The following LYSMD2 variants were observed in gnomAD, a reference collection of about 807,000 sequenced individuals.
The protein encoded by LYSMD2 is lysM and putative peptidoglycan-binding domain-containing protein 2.
Under a neutral mutation model 17.7 loss-of-function variants are expected in LYSMD2, and 6 were observed. That is an observed-to-expected ratio of 0.34 (90% CI 0.19 to 0.67). The LOEUF (loss-of-function observed/expected upper bound fraction) is 0.67. LYSMD2 is among the 30% of genes least tolerant of loss of function. The probability of loss-of-function intolerance (pLI) is 0.69; values close to 1 mark genes in which losing one functional copy is unlikely to be tolerated. For synonymous variants in LYSMD2, 102 were observed against 129.8 expected, an observed-to-expected ratio of 0.79 and a Z score of 1.45; for missense variants, 237 against 286.7, an observed-to-expected ratio of 0.83 and a Z score of 1.25.
intron 1 of LYSMD2, among the ~76,000 whole-genome samples, chr15:51,750,022 T>C (rs1380492151): frequency 6.6e-6 from 1 of 152,236 alleles, no homozygotes; most frequent in Non-Finnish European, 1.5e-5. Context: ...CCCAGAGTTT[T>C]AGAGGATTAA....
chr15:51,732,242 C>T (rs1293885702), intron 1 of LYSMD2, among the ~76,000 whole-genome samples: 12 of 152,140 alleles, frequency 7.9e-5, no homozygotes, highest in African/African-American at 2.4e-4. Flanking sequence ...TTCCAGGGTC[C>T]GCTCAGCTCC....
intron 1 of LYSMD2, among the ~76,000 whole-genome samples, chr15:51,736,483 C>T (rs754113803): frequency 3.3e-5 from 5 of 152,140 alleles, no homozygotes; most frequent in Admixed American, 6.5e-5. Flanking sequence ...CTCCTTCATT[C>T]GGTAAAGGGC....
upstream of LYSMD2, among the ~76,000 whole-genome samples, chr15:51,739,956 CTTTG>C (rs546254629): frequency 1.3e-5 from 2 of 151,548 alleles, no homozygotes; most frequent in African/African-American, 4.8e-5. Flanking sequence ...TTGGGGTTTT[CTTTG>C]TTTGTTTGTT....
At chr15:51,733,720 C>T (rs747190785) in intron 1 of LYSMD2, among the ~76,000 whole-genome samples, 1 of 152,164 alleles carries the variant, frequency 6.6e-6, no homozygotes, top group Non-Finnish European at 1.5e-5. Flanking sequence ...GAGCATTAAA[C>T]CAAGTGTGAG....
At chr15:51,726,121 G>C (rs1468442348) in intron 1 of LYSMD2, among the ~76,000 whole-genome samples, 1 of 152,168 alleles carries the variant, frequency 6.6e-6, no homozygotes, top group Non-Finnish European at 1.5e-5. Flanking sequence ...TACATGTAAA[G>C]CTTTCTTTTT....
chr15:51,728,285 GGC>G (rs2055553238), intron 1 of LYSMD2, among the ~76,000 whole-genome samples: 2 of 152,028 alleles, frequency 1.3e-5, no homozygotes, highest in South Asian at 2.1e-4. Context: ...CAGGCGTGGT[GGC>G]GCATGTCTGT....
chr15:51,740,680 T>C (rs917330232), upstream of LYSMD2, among the ~76,000 whole-genome samples: 1 of 152,072 alleles, frequency 6.6e-6, no homozygotes, highest in Admixed American at 6.6e-5. Flanking sequence ...CAAACATCAA[T>C]TGCATCACTC....
chr15:51,742,889 G>A (rs2055650093), intron 1 of LYSMD2, among the ~76,000 whole-genome samples: 1 of 152,180 alleles, frequency 6.6e-6, no homozygotes, highest in African/African-American at 2.4e-5. Flanking sequence ...TTGAGACCAG[G>A]AGTTCGAGGC....
Position 51,737,594 on chromosome 15 carries a change from A to T in LYSMD2, c.29T>A (p.Leu10Gln). 1.6e-6 allele frequency: 2 copies of T among 1,215,338 alleles called. No individual in the cohort carries two copies. The highest frequency in any genetic ancestry group is 8.1e-5 in the South Asian group (2 of 24,728). 75.3% of individuals were successfully genotyped at this position (1,215,338 alleles called of 1,614,324 possible). ...CGGCGCGCGGGGGCCGCCTTCCCGC[A>T]GGGACAGTGCGGGCGAGGAATCCGC... Reference protein sequence around the residue: MADSSPALSLREGGPRAPRP... With the variant: MADSSPALSQREGGPRAPRP... Residue 10 changes from leucine to glutamine, a missense_variant, in exon 1 of 3, where the codon CTG becomes CAG. Transcript: ENST00000267838. This position sits in a 1 kb window ranked among gnomAD's most constrained non-coding sequence, Gnocchi z 4.2.
At chr15:51,751,118 G>T (rs530686667) in intron 1 of LYSMD2, among the ~76,000 whole-genome samples, 1 of 152,200 alleles carries the variant, frequency 6.6e-6, no homozygotes, top group African/African-American at 2.4e-5. Flanking sequence ...CCGCCACTGC[G>T]CTTGGGCTCT....
chr15:51,737,644 G>C lies in LYSMD2; in HGVS notation c.-22C>G. On this transcript the variant is annotated 5_prime_UTR_variant, in exon 1 of 3. Coordinates refer to ENST00000267838, the MANE Select transcript of LYSMD2 (RefSeq NM_153374.3). This position sits in a 1 kb window ranked among gnomAD's most constrained non-coding sequence, Gnocchi z 4.2. ...CCATGGGTCCTGCCGAGGCCGCCGGGTCGGGGAGCTTGCCAAGGGGGCGGC... is the reference window on the plus strand; with the variant it reads ...CCATGGGTCCTGCCGAGGCCGCCGGCTCGGGGAGCTTGCCAAGGGGGCGGC... The C allele has an allele frequency of 8.3e-7, 1 of 1,204,276 alleles. No homozygotes were observed. 74.6% of individuals were successfully genotyped at this position (1,204,276 alleles called of 1,614,324 possible). A position where few individuals can be genotyped will look rare whatever the true frequency, so the allele number is the denominator to read the frequency against.
At chr15:51,741,823 G>C (rs1180666225), upstream of LYSMD2, among the ~76,000 whole-genome samples, 1 of 152,020 alleles carries the variant, frequency 6.6e-6, no homozygotes, top group Non-Finnish European at 1.5e-5. Context: ...GGGAGGCTGA[G>C]GCAGAAGAAT....
upstream of LYSMD2, among the ~76,000 whole-genome samples, chr15:51,739,668 TG>T (rs1240630996): frequency 2.0e-5 from 3 of 152,158 alleles, no homozygotes; most frequent in Non-Finnish European, 4.4e-5. Context: ...CCAGGCGCAG[TG>T]GCCCATTCCA....
intron 1 of LYSMD2, among the ~76,000 whole-genome samples, chr15:51,728,636 G>A (rs2055556256): frequency 1.3e-5 from 2 of 152,012 alleles, no homozygotes; most frequent in Admixed American, 6.5e-5. Context: ...TTGGGAGGCC[G>A]AGGCAGGTGG....
At chr15:51,748,100 G>T (rs1039416144) in intron 1 of LYSMD2, among the ~76,000 whole-genome samples, 1 of 151,802 alleles carries the variant, frequency 6.6e-6, no homozygotes, top group African/African-American at 2.4e-5. Context: ...GTGAAACCCC[G>T]TCTCTACTAA....
upstream of LYSMD2, among the ~76,000 whole-genome samples, chr15:51,739,383 T>C (rs1595853466): frequency 6.6e-6 from 1 of 151,706 alleles, no homozygotes; most frequent in East Asian, 1.9e-4. Context: ...TGAATTGAGG[T>C]GTAGTAAAAA....
chr15:51,747,609 A>C (rs1039527110), intron 1 of LYSMD2, among the ~76,000 whole-genome samples: 1 of 152,266 alleles, frequency 6.6e-6, no homozygotes, highest in African/African-American at 2.4e-5. Context: ...TCAAATTAAG[A>C]TCACACATTA....
At chr15:51,726,859 C>T (rs184085153) in intron 1 of LYSMD2, among the ~76,000 whole-genome samples, 17 of 152,306 alleles carry the variant, frequency 1.1e-4, no homozygotes, top group African/African-American at 3.4e-4. Flanking sequence ...AAGGGGACTA[C>T]GACTGCTAAT....
In LYSMD2 at chr15:51,737,289, A is replaced by G; in HGVS notation, c.273+61T>C. ...CCACCCCCACCCCCACCGCACCCCG[A>G]GCCGCACCGCCTCCTGCGCGGTAGC... On this transcript the variant is annotated intron_variant, in intron 1 of 2. Coordinates refer to ENST00000267838, the MANE Select transcript of LYSMD2 (RefSeq NM_153374.3). The surrounding 1 kb of genome is among the most constrained non-coding windows in gnomAD (Gnocchi z 4.2). The G allele has an allele frequency of 3.0e-6, 2 of 661,102 alleles. No homozygotes were observed. The highest frequency in any genetic ancestry group is 3.8e-6 in the Non-Finnish European group (2 of 532,450). The allele number at this position is 661,102 out of a possible 1,614,324, so 41.0% of individuals were successfully genotyped here.
Sources: allele counts gnomAD v4.1 joint callset (sites outside exome capture counted in the v4.1 genomes callset), GRCh38; gene constraint gnomAD v4.1.1; non-coding constraint Gnocchi (gnomAD v3.1); transcripts MANE v1.5; gene names NCBI Gene and HGNC (gene_info 2026-07-23, HGNC 2026-07-21).